SPATA9: variants seen among roughly 807,000 people sequenced by gnomAD.
SPATA9 encodes spermatogenesis-associated protein 9.
SPATA9 carries 27 observed loss-of-function variants against 25.5 expected under a neutral mutation model. That is an observed-to-expected ratio of 1.06 (90% CI 0.78 to 1.46). The LOEUF is 1.46. Among genes scored for constraint, SPATA9 ranks in the 40% most tolerant of loss-of-function variants. The pLI, the probability that SPATA9 is intolerant of heterozygous loss-of-function variation, is 0.00. For synonymous variants in SPATA9, 102 were observed against 105.7 expected (o/e 0.97, Z 0.21); for missense variants, 282 against 297.5 (o/e 0.95, Z 0.38).
the SPATA9 span, chr5:95,731,610 C>T: frequency 5.0e-6 from 8 of 1,598,950 alleles, no homozygotes; most frequent in East Asian, 6.8e-5. Context: ...GTGAACTCGC[C>T]GCCCGGGGGC....
intron 3 of SPATA9, among the ~76,000 whole-genome samples, chr5:95,673,087 ATC>A (rs912254396): frequency 6.6e-6 from 1 of 152,008 alleles, no homozygotes; most frequent in Non-Finnish European, 1.5e-5. Context: ...TGAATAATTA[ATC>A]TCTCTCTCTT....
the SPATA9 span, chr5:95,730,887 G>C: frequency 1.1e-5 from 5 of 455,828 alleles, no homozygotes; most frequent in African/African-American, 2.0e-5. Flanking sequence ...ATGAGAAAGC[G>C]GCAGACGTGG....
intron 3 of SPATA9, among the ~76,000 whole-genome samples, chr5:95,669,745 C>T (rs1561402028): frequency 1.3e-5 from 2 of 152,152 alleles, no homozygotes. Context: ...TCACTGCAGC[C>T]TAGAGCAGCT....
intron 1 of SPATA9, among the ~76,000 whole-genome samples, chr5:95,689,942 A>G (rs1176636471): frequency 6.6e-6 from 1 of 152,182 alleles, no homozygotes; most frequent in African/African-American, 2.4e-5. Context: ...GGAACAGTAA[A>G]CCAAATTTTA....
the SPATA9 span, among the ~76,000 whole-genome samples, chr5:95,711,735 G>A: frequency 6.6e-6 from 1 of 152,240 alleles, no homozygotes; most frequent in Non-Finnish European, 1.5e-5. Flanking sequence ...GGGTTGAGGC[G>A]AAAACGCGGC....
At chr5:95,677,922 A>T (rs1317002024) in intron 2 of SPATA9, among the ~76,000 whole-genome samples, 3 of 152,232 alleles carry the variant, frequency 2.0e-5, no homozygotes, top group African/African-American at 7.2e-5. Context: ...TACTACTTTA[A>T]ATTCATCATA....
rs770431318 is a variant in SPATA9, at chr5:95,675,508, A to T, written c.282T>A (p.His94Gln). 3 of 1,614,064 alleles carry T rather than the reference A, an allele frequency of 1.9e-6. No homozygotes were observed. Among genetic ancestry groups the T allele is most frequent in the African/African-American group, 2.7e-5 (2 of 74,922 alleles). The change falls in exon 3 of 5, where the codon CAT (histidine) becomes CAA (glutamine). Residue 94 changes from histidine to glutamine, a missense_variant. Physicochemically the swap from His to Gln is conservative, Grantham distance 24 (BLOSUM62 0). Transcript: ENST00000274432. ...CTAAAAGTCTGCATGCAAGCTGAGG[A>T]TGCAGAAGTTTGGCCACTGATTTGG... is the stretch of plus-strand genomic sequence containing the variant. ...RSSKSVAKLL[H>Q]PQLACRLLEL... is the part of the protein sequence containing the mutation.
chr5:95,687,919 G>T (rs60694924), upstream of SPATA9, among the ~76,000 whole-genome samples: 6,760 of 152,236 alleles, frequency 0.044, 473 homozygotes, highest in African/African-American at 0.15. Context: ...AATCTTTCCA[G>T]ATGTTGGTGA....
At chr5:95,652,434 T>C (rs1750398293), downstream of SPATA9, 1 of 1,403,506 alleles carries the variant, frequency 7.1e-7, no homozygotes, top group Admixed American at 2.2e-5. Flanking sequence ...ACATCTCTAC[T>C]TGGATGTCTC....
the SPATA9 span, among the ~76,000 whole-genome samples, chr5:95,728,827 T>C: frequency 2.0e-5 from 3 of 152,114 alleles, no homozygotes; most frequent in African/African-American, 7.2e-5. Flanking sequence ...TAAAACAGAA[T>C]GCCGTAAAGA....
chr5:95,691,170 C>T (rs560198270), intron 1 of SPATA9, among the ~76,000 whole-genome samples: 2 of 149,752 alleles, frequency 1.3e-5, no homozygotes, highest in South Asian at 2.1e-4. Flanking sequence ...GAGCCGAGAT[C>T]GTGCCACTGC....
At chr5:95,704,961 T>C in the SPATA9 span, among the ~76,000 whole-genome samples, 2 of 151,682 alleles carry the variant, frequency 1.3e-5, no homozygotes, top group East Asian at 3.9e-4. Flanking sequence ...TTTTTTTTTT[T>C]TGAGACAGAG....
downstream of SPATA9, chr5:95,652,284 T>C: frequency 6.4e-7 from 1 of 1,550,566 alleles, no homozygotes; most frequent in East Asian, 2.4e-5. Context: ...GTTGAAGTGT[T>C]TCAGGAATTG....
the SPATA9 span, among the ~76,000 whole-genome samples, chr5:95,703,912 G>A: frequency 6.6e-6 from 1 of 152,132 alleles, no homozygotes; most frequent in Non-Finnish European, 1.5e-5. Context: ...ATGGAAGATA[G>A]ACTCCAATAG....
chr5:95,695,875 T>A (rs953896203), intron 1 of SPATA9, among the ~76,000 whole-genome samples: 2 of 152,196 alleles, frequency 1.3e-5, no homozygotes, highest in Non-Finnish European at 2.9e-5. Context: ...GATGGAATGT[T>A]ACTTCAGATA....
downstream of SPATA9, chr5:95,653,976 C>G: frequency 9.2e-7 from 1 of 1,081,278 alleles, no homozygotes; most frequent in Non-Finnish European, 1.3e-6. Flanking sequence ...AAAGTCCGAA[C>G]TATTCATTCT....
intron 1 of SPATA9, among the ~76,000 whole-genome samples, chr5:95,690,288 G>A (rs1199733823): frequency 1.3e-5 from 2 of 152,146 alleles, no homozygotes; most frequent in Non-Finnish European, 2.9e-5. Flanking sequence ...TTTCCTAGAT[G>A]TACAGGCTGA....
chr5:95,688,406 A>G (rs1440460774), intron 1 of SPATA9, among the ~76,000 whole-genome samples: 4 of 152,128 alleles, frequency 2.6e-5, no homozygotes, highest in Non-Finnish European at 4.4e-5. Context: ...ATGTGCCATC[A>G]TGCCTGGCTA....
chr5:95,684,132 C>T (rs1258110442), upstream of SPATA9, among the ~76,000 whole-genome samples: 4 of 152,142 alleles, frequency 2.6e-5, no homozygotes. Flanking sequence ...ATAGAACCTG[C>T]TTGCCTCTCA....
Sources: allele counts gnomAD v4.1 joint callset (sites outside exome capture counted in the v4.1 genomes callset), GRCh38; gene constraint gnomAD v4.1.1; transcripts MANE v1.5; gene names NCBI Gene and HGNC (gene_info 2026-07-23, HGNC 2026-07-21).